Variants in FNDC1 observed in about 807,000 individuals in gnomAD.
FNDC1 encodes fibronectin type III domain containing 1.
Under a neutral mutation model 168.0 loss-of-function variants are expected in FNDC1, and 96 were observed. That is an observed-to-expected ratio of 0.57 (90% CI 0.48 to 0.68). The LOEUF (loss-of-function observed/expected upper bound fraction) is 0.68. FNDC1 is among the 30% of genes least tolerant of loss of function. The pLI is 0.00. For synonymous variants in FNDC1, 1,099 were observed against 1,025.9 expected, an observed-to-expected ratio of 1.07 and a Z score of -1.36; for missense variants, 2,587 against 2,482.1, an observed-to-expected ratio of 1.04 and a Z score of -0.90.
intron 4 of FNDC1, among the ~76,000 whole-genome samples, chr6:159,213,192 G>A (rs1017760690): frequency 1.3e-5 from 2 of 152,210 alleles, no homozygotes; most frequent in Non-Finnish European, 2.9e-5. Context: ...GCCTGGAAGG[G>A]GGAAGCGTGT....
intron 12 of FNDC1, among the ~76,000 whole-genome samples, chr6:159,238,021 T>C (rs893322538): frequency 2.0e-5 from 3 of 152,220 alleles, no homozygotes; most frequent in Non-Finnish European, 2.9e-5. Flanking sequence ...GAACATCTTT[T>C]GTGATTTGAG....
chr6:159,253,602 C>T (rs1000709523), intron 17 of FNDC1, among the ~76,000 whole-genome samples: 4 of 152,164 alleles, frequency 2.6e-5, no homozygotes, highest in African/African-American at 9.7e-5. Context: ...CCAAATCACT[C>T]CTAATGAATG....
intron 12 of FNDC1, among the ~76,000 whole-genome samples, 178 bp from the exon 13 acceptor site, chr6:159,238,376 C>T (rs569172794): frequency 2.5e-4 from 38 of 152,266 alleles, no homozygotes; most frequent in African/African-American, 8.7e-4. Flanking sequence ...TGAGCCACCG[C>T]GCCCGGCCTG....
chr6:159,222,420 TAGC>T, intron 6 of FNDC1, among the ~76,000 whole-genome samples: 1 of 152,354 alleles, frequency 6.6e-6, no homozygotes, highest in East Asian at 1.9e-4. Flanking sequence ...ATCACTTTTC[TAGC>T]AGGCTAAATA....
intron 4 of FNDC1, among the ~76,000 whole-genome samples, chr6:159,201,362 G>T (rs1362694023): frequency 1.3e-5 from 2 of 152,206 alleles, no homozygotes; most frequent in Non-Finnish European, 2.9e-5. Context: ...AGATTTGATA[G>T]TGTAGGTGGT....
At chr6:159,253,725 CAG>C (rs1777318629) in intron 17 of FNDC1, among the ~76,000 whole-genome samples, 1 of 152,200 alleles carries the variant, frequency 6.6e-6, no homozygotes, top group Non-Finnish European at 1.5e-5. Context: ...ATGAGAACAA[CAG>C]AGAGATCAGG....
At chr6:159,207,799 C>G (rs1386080982) in intron 4 of FNDC1, among the ~76,000 whole-genome samples, 2 of 152,046 alleles carry the variant, frequency 1.3e-5, no homozygotes, top group Non-Finnish European at 2.9e-5. Flanking sequence ...CATTCTATTC[C>G]CAAAGGAAAC....
chr6:159,188,807 G>A (rs1782064974), intron 1 of FNDC1, among the ~76,000 whole-genome samples: 1 of 150,126 alleles, frequency 6.7e-6, no homozygotes, highest in Non-Finnish European at 1.5e-5. Flanking sequence ...GAGTGCAGTG[G>A]CAAAATCTCA....
intron 7 of FNDC1, among the ~76,000 whole-genome samples, chr6:159,224,866 C>G (rs1782918904): frequency 6.6e-6 from 1 of 152,172 alleles, no homozygotes; most frequent in Admixed American, 6.5e-5. Flanking sequence ...ATTTGCAGCT[C>G]TTAGAGTGTT....
intron 1 of FNDC1, among the ~76,000 whole-genome samples, chr6:159,196,927 T>TCAACCTTTAAG (rs1310159854): frequency 6.6e-6 from 1 of 152,220 alleles, no homozygotes; most frequent in Non-Finnish European, 1.5e-5. Context: ...CTGTTGATGA[T>TCAACCTTTAAG]CTTGGTTTGT....
At chr6:159,263,394 T>A (rs1251833750) in intron 19 of FNDC1, among the ~76,000 whole-genome samples, 3 of 152,134 alleles carry the variant, frequency 2.0e-5, no homozygotes, top group South Asian at 2.1e-4. Flanking sequence ...AAAACAGCAA[T>A]TTACTGTATG....
intron 5 of FNDC1, among the ~76,000 whole-genome samples, chr6:159,216,069 C>T (rs1782703702): frequency 6.6e-6 from 1 of 152,194 alleles, no homozygotes; most frequent in Non-Finnish European, 1.5e-5. Context: ...TCAGGCGATT[C>T]TCCTGCCTCA....
chr6:159,267,875 G>C lies in FNDC1; in HGVS notation c.5518G>C (p.Asp1840His), dbSNP rs1777622194. The change falls in exon 22 of 23, where the codon GAT becomes CAT. Residue 1840 changes from aspartate (D) to histidine (H), a missense_variant. Transcript: ENST00000297267. ...DHCQFVDSHLDGRTGPQSYVE... is the reference protein window; with the variant it reads ...DHCQFVDSHLHGRTGPQSYVE... ...TTGCCAATTTGTGGATTCACACCTTGATGGAAGAACAGGGCCTCAGTCCTA... is the reference window on the plus strand; with the variant it reads ...TTGCCAATTTGTGGATTCACACCTTCATGGAAGAACAGGGCCTCAGTCCTA... The C allele has an allele frequency of 9.3e-6, 15 of 1,613,234 alleles. No homozygotes were observed. Among genetic ancestry groups the C allele is most frequent in the Non-Finnish European group, 1.3e-5 (15 of 1,179,558 alleles).
In FNDC1 at chr6:159,271,637, G is replaced by T; in HGVS notation, c.*195G>T. On this transcript the variant is annotated 3_prime_UTR_variant, in exon 23 of 23. Coordinates refer to ENST00000297267, the MANE Select transcript of FNDC1 (RefSeq NM_032532.3). The stretch of plus-strand genomic sequence containing the variant: ...ACTTCTTGGCCTGGACAATGAACAG[G>T]ATTCAGTTTTGCTGTTAACTTTGCT... 1 of 510,224 alleles carries T rather than the reference G, an allele frequency of 2.0e-6. No homozygotes were observed. Among genetic ancestry groups the T allele is most frequent in the South Asian group, 2.4e-5 (1 of 40,852 alleles). 31.6% of individuals were successfully genotyped at this position (510,224 alleles called of 1,614,324 possible). A position where few individuals can be genotyped will look rare whatever the true frequency, so the allele number is the denominator to read the frequency against.
At chr6:159,174,249 A>G (rs572234484) in intron 1 of FNDC1, among the ~76,000 whole-genome samples, 4 of 152,202 alleles carry the variant, frequency 2.6e-5, no homozygotes, top group Non-Finnish European at 5.9e-5. Context: ...AGTGGTGGAT[A>G]CTGTTTCATC....
At chr6:159,252,867 T>C (rs1777297707) in intron 17 of FNDC1, among the ~76,000 whole-genome samples, 1 of 152,230 alleles carries the variant, frequency 6.6e-6, no homozygotes, top group African/African-American at 2.4e-5. Flanking sequence ...TGCGCCCTGA[T>C]TCAAGGGGCT....
Position 159,221,611 on chromosome 6 carries a change from G to GT in FNDC1, c.682dup (p.Tyr228LeufsTer37). 1 of 1,613,958 alleles carries GT rather than the reference G, an allele frequency of 6.2e-7. No homozygotes were observed. The highest frequency in any genetic ancestry group is 8.5e-7 in the Non-Finnish European group (1 of 1,179,834). The stretch of plus-strand genomic sequence containing the variant: ...CCTGGTCCACAGCCTCGGAATCCGT[G>GT]TATGTGGTCTCCCTGCAGTCCATGA... On this transcript the variant is annotated frameshift_variant, in exon 6 of 23. Coordinates refer to ENST00000297267, the MANE Select transcript of FNDC1 (RefSeq NM_032532.3). LOFTEE classifies it high-confidence loss of function.
intron 5 of FNDC1, chr6:159,218,256 C>G (rs1782745272): frequency 6.6e-6 from 1 of 152,194 alleles, no homozygotes; most frequent in Non-Finnish European, 1.5e-5. Flanking sequence ...TTTTTGCTGC[C>G]TGAACGTGAG....
At position 159,232,732 on chromosome 6, in the gene FNDC1, T is replaced by C. The variant is rs1372362325; in HGVS notation, c.2220T>C (p.Leu740=). ...LPTQPHLSSP[L]SKGGKDGEDA... ...CCCAGCCACACCTGAGCTCTCCACT[T>C]TCCAAGGGCGGGAAGGATGGTGAGG... The change falls in exon 11 of 23, where the codon CTT becomes CTC. Residue 740 remains leucine, a synonymous_variant. Coordinates refer to ENST00000297267, the MANE Select transcript of FNDC1 (RefSeq NM_032532.3). This position sits in a 1 kb window ranked among gnomAD's most constrained non-coding sequence, Gnocchi z 4.9. The C allele has an allele frequency of 6.2e-7, 1 of 1,613,724 alleles. No individual in the cohort carries two copies. Among genetic ancestry groups the C allele is most frequent in the Non-Finnish European group, 8.5e-7 (1 of 1,179,840 alleles).
Sources: allele counts gnomAD v4.1 joint callset (sites outside exome capture counted in the v4.1 genomes callset), GRCh38; gene constraint gnomAD v4.1.1; non-coding constraint Gnocchi (gnomAD v3.1); transcripts MANE v1.5; gene names NCBI Gene and HGNC (gene_info 2026-07-23, HGNC 2026-07-21).